GLI4: variants seen among roughly 807,000 people sequenced by gnomAD.
The protein encoded by GLI4 is zinc finger protein GLI4.
In GLI4, 34 loss-of-function variants were observed where a neutral mutation model predicts 30.9. The ratio of observed to expected loss-of-function variants is 1.10; its 90% CI spans 0.84 to 1.47. The LOEUF is 1.47. GLI4 is among the 40% of genes most tolerant of loss of function. The pLI is 0.00. For missense variants in GLI4, 696 were observed against 538.9 expected, an observed-to-expected ratio of 1.29 and a Z score of -2.89; for synonymous variants, 277 against 236.7, an observed-to-expected ratio of 1.17 and a Z score of -1.56.
chr8:143,269,360 G>A lies in GLI4; in HGVS notation c.-37G>A, dbSNP rs754138770. The A allele has an allele frequency of 6.2e-7, 1 of 1,600,302 alleles. No individual in the cohort carries two copies. Among genetic ancestry groups the A allele is most frequent in the Non-Finnish European group, 8.5e-7 (1 of 1,171,842 alleles). ...CTGCCATGGTTTTCATTTTCCCCAG[G>A]TCCCAGGTGTGACACCTTCAGCAGG... On this transcript the variant is annotated splice_region_variant and 5_prime_UTR_variant, in exon 2 of 4. Transcript: ENST00000340042.
At chr8:143,270,786 T>A (rs768523857) in intron 2 of GLI4, among the ~76,000 whole-genome samples, 3 of 152,156 alleles carry the variant, frequency 2.0e-5, no homozygotes, top group Non-Finnish European at 2.9e-5. Flanking sequence ...CCAGGCCTGA[T>A]GAGGTGTGAC....
At position 143,267,497 on chromosome 8, in the gene GLI4, GGGC is replaced by G. The variant is rs1164528149; in HGVS notation, c.-38+26_-38+28del. 10 of 982,046 alleles carry G rather than the reference GGGC, an allele frequency of 1.0e-5. No homozygotes were observed. The highest frequency in any genetic ancestry group is 1.2e-5 in the Non-Finnish European group (10 of 826,724). 60.8% of individuals were successfully genotyped at this position (982,046 alleles called of 1,614,324 possible). A position where few individuals can be genotyped will look rare whatever the true frequency, so the allele number is the denominator to read the frequency against. On this transcript the variant is annotated intron_variant, in intron 1 of 3. Coordinates refer to ENST00000340042, the MANE Select transcript of GLI4 (RefSeq NM_138465.4). ...TCCCGCTCGGAAGGTGAGTGGGCGC[GGGC>G]GGCGGCGGCGGCTCCGGGTGCCTGG...
intron 2 of GLI4, among the ~76,000 whole-genome samples, chr8:143,273,918 C>T (rs73717509): frequency 0.021 from 3,219 of 151,838 alleles, 115 homozygotes; most frequent in African/African-American, 0.073. Flanking sequence ...ACAGGTGAGA[C>T]CCCCAAAGGG....
chr8:143,275,867 A>G (rs1015589097), intron 3 of GLI4, 30 bp from the exon 4 acceptor site: 3 of 1,265,252 alleles, frequency 2.4e-6, no homozygotes, highest in African/African-American at 1.5e-5. Flanking sequence ...GCATGCGGGT[A>G]CTATCCGCCT....
chr8:143,270,195 G>A (rs761470631), intron 2 of GLI4, among the ~76,000 whole-genome samples: 17 of 152,374 alleles, frequency 1.1e-4, no homozygotes, highest in East Asian at 1.9e-4. Flanking sequence ...TGGAGAGCCC[G>A]TGCCTGGCCC....
At chr8:143,268,288 T>C (rs902307880) in intron 1 of GLI4, among the ~76,000 whole-genome samples, 1 of 152,208 alleles carries the variant, frequency 6.6e-6, no homozygotes, top group Non-Finnish European at 1.5e-5. Context: ...CTGCTGTTCT[T>C]AGATCTGAGT....
At chr8:143,267,690 C>T in intron 1 of GLI4, 1 of 985,344 alleles carries the variant, frequency 1.0e-6, no homozygotes, top group South Asian at 4.7e-5. Context: ...ACCGCCCCGC[C>T]CAGCGGCCCT....
chr8:143,270,569 GCA>G (rs2129668467), intron 2 of GLI4, among the ~76,000 whole-genome samples: 1 of 152,348 alleles, frequency 6.6e-6, no homozygotes, highest in East Asian at 1.9e-4. Context: ...AGCCCCTGCA[GCA>G]CACACTGTGG....
chr8:143,274,700 C>A lies in GLI4; in HGVS notation c.125-4C>A. On this transcript the variant is annotated splice_region_variant and splice_polypyrimidine_tract_variant and intron_variant, in intron 2 of 3. Coordinates refer to ENST00000340042, the MANE Select transcript of GLI4 (RefSeq NM_138465.4). ...AGGTGAGCCCCAGCCTCCCTGACCC[C>A]CAGGCTCCCCTGGCTCCAGCCCTAA... 1 of 1,550,376 alleles carries A rather than the reference C, an allele frequency of 6.5e-7. No individual in the cohort carries two copies.
Position 143,270,076 on chromosome 8 carries a change from G to A in GLI4, c.124+556G>A, listed in dbSNP as rs756344478. On this transcript the variant is annotated intron_variant, in intron 2 of 3. Coordinates refer to ENST00000340042, the MANE Select transcript of GLI4 (RefSeq NM_138465.4). ...CCCTCTCAGAGGTCAGGGATCCTGA[G>A]GCTACATCTCTGCTGGGTGTTCCAC... Among the ~76,000 whole-genome samples, 49 of 152,268 alleles carry A rather than the reference G, an allele frequency of 3.2e-4. 2 individuals carry two copies. Among genetic ancestry groups the A allele is most frequent in the Non-Finnish European group, 7.3e-5 (5 of 68,048 alleles).
intron 2 of GLI4, among the ~76,000 whole-genome samples, chr8:143,270,867 A>G (rs1214401374): frequency 6.6e-6 from 1 of 152,136 alleles, no homozygotes; most frequent in East Asian, 1.9e-4. Flanking sequence ...CAGGACACAC[A>G]CTGAGGTGGC....
rs748101436 is a variant in GLI4 at position 143,269,463 on chromosome 8, G to A, written c.67G>A (p.Gly23Arg). Residue 23 changes from glycine (G) to arginine (R), a missense_variant, in exon 2 of 4, where the codon GGG becomes AGG. Transcript: ENST00000340042. ...GTCCCCTGTCAGTCTCTCATCACCG[G>A]GGACACCTGGAACCCAGCACCACGA... ...VPSPVSLSSP[G>R]TPGTQHHEPQ... 1 of 1,612,230 alleles carries A rather than the reference G, an allele frequency of 6.2e-7. No individual in the cohort carries two copies. The highest frequency in any genetic ancestry group is 8.5e-7 in the Non-Finnish European group (1 of 1,178,768).
rs185708357 is a variant in GLI4, at chr8:143,269,096, C to T, written c.-37-264C>T. ...TGACCTCATGATCTACCCACCTCGGCCTCACAAAGTGCTGGGATTACAGGC... is the reference window on the plus strand; with the variant it reads ...TGACCTCATGATCTACCCACCTCGGTCTCACAAAGTGCTGGGATTACAGGC... On this transcript the variant is annotated intron_variant, in intron 1 of 3. Transcript: ENST00000340042. Among the ~76,000 whole-genome samples, 4 of 152,298 alleles carry T rather than the reference C, an allele frequency of 2.6e-5. No homozygotes were observed. In the East Asian group the frequency reaches 7.7e-4, roughly 29 times the overall value.
In GLI4 at chr8:143,276,205, C is replaced by T; in HGVS notation, c.532C>T (p.Arg178Trp). ...CGGTCGGAGCCGGCAGGGCAGCGCG[C>T]GGGGGGCCAAGCCGCACAGGTGCGA... ...NFGRSRQGSA[R>W]GAKPHRCEAC... The change falls in exon 4 of 4, where the codon CGG (arginine) becomes TGG (tryptophan). Residue 178 changes from arginine (R) to tryptophan (W), a missense_variant. Arg to Trp is a moderately radical substitution (Grantham distance 101). Coordinates refer to ENST00000340042, the MANE Select transcript of GLI4 (RefSeq NM_138465.4). 6.4e-7 allele frequency: 1 copy of T among 1,574,700 alleles called. No individual in the cohort carries two copies. Among genetic ancestry groups the T allele is most frequent in the Middle Eastern group, 1.7e-4 (1 of 5,776 alleles).
At chr8:143,268,319 T>C (rs768960615) in intron 1 of GLI4, among the ~76,000 whole-genome samples, 1 of 151,892 alleles carries the variant, frequency 6.6e-6, no homozygotes, top group Non-Finnish European at 1.5e-5. Context: ...TTTTGTCCTC[T>C]TTTCCCGTTC....
rs905566757 is a variant in GLI4, at chr8:143,275,420, G to A, written c.224-477G>A. 131 of 1,383,892 alleles carry A rather than the reference G, an allele frequency of 9.5e-5. 1 individual carries two copies. In the South Asian group the frequency reaches 1.5e-3, roughly 16 times the overall value. 85.7% of individuals were successfully genotyped at this position (1,383,892 alleles called of 1,614,324 possible). ...ATTTGCGTGGGAAGCTCCTGGGGTG[G>A]GCATGGGAGCTGGGCGGCAGCACAC... On this transcript the variant is annotated intron_variant, in intron 3 of 3. Transcript: ENST00000340042.
chr8:143,271,942 C>T (rs377135477), intron 2 of GLI4, among the ~76,000 whole-genome samples: 3 of 152,230 alleles, frequency 2.0e-5, no homozygotes, highest in South Asian at 2.1e-4. Context: ...GTGGTCCCCA[C>T]GGAGATGCAG....
chr8:143,276,328 C>T lies in GLI4; in HGVS notation c.655C>T (p.Arg219Cys). Residue 219 changes from arginine (R) to cysteine (C), a missense_variant, in exon 4 of 4, where the codon CGC (arginine) becomes TGC (cysteine). Physicochemically the swap from Arg to Cys is radical, Grantham distance 180. Transcript: ENST00000340042. ...KPYACHECGK[R>C]FRGWSGFIQH... is the part of the protein sequence containing the mutation. The stretch of plus-strand genomic sequence containing the variant: ...CTACGCCTGCCACGAGTGCGGCAAG[C>T]GCTTCCGCGGCTGGTCGGGCTTCAT... The T allele has an allele frequency of 6.3e-7, 1 of 1,596,174 alleles. No homozygotes were observed. The highest frequency in any genetic ancestry group is 1.4e-5 in the African/African-American group (1 of 71,504).
At chr8:143,270,179 C>G (rs7817433) in intron 2 of GLI4, among the ~76,000 whole-genome samples, 4,783 of 152,364 alleles carry the variant, frequency 0.031, 268 homozygotes, top group African/African-American at 0.11. Flanking sequence ...CCATATAGGT[C>G]AAGCCTGGAG....
Sources: allele counts gnomAD v4.1 joint callset (sites outside exome capture counted in the v4.1 genomes callset), GRCh38; gene constraint gnomAD v4.1.1; transcripts MANE v1.5; gene names NCBI Gene and HGNC (gene_info 2026-07-23, HGNC 2026-07-21).